Variants in STAT4 observed in about 807,000 individuals in gnomAD.
The protein encoded by STAT4 is signal transducer and activator of transcription 4.
STAT4 carries 42 observed loss-of-function variants against 110.5 expected under a neutral mutation model. That is an observed-to-expected ratio of 0.38 (90% CI 0.30 to 0.49). The LOEUF (loss-of-function observed/expected upper bound fraction) is 0.49. STAT4 is among the 20% of genes least tolerant of loss of function. The pLI, the probability that STAT4 is intolerant of heterozygous loss-of-function variation, is 0.95. For synonymous variants in STAT4, 284 were observed against 302.2 expected, an observed-to-expected ratio of 0.94 and a Z score of 0.63; for missense variants, 632 against 887.9, an observed-to-expected ratio of 0.71 and a Z score of 3.66.
chr2:191,087,972 A>T (rs1697680886), intron 3 of STAT4, among the ~76,000 whole-genome samples: 1 of 152,222 alleles, frequency 6.6e-6, no homozygotes, highest in Non-Finnish European at 1.5e-5. Context: ...CTGCTAAGAC[A>T]AAGAACAAGG....
At chr2:191,036,049 T>C (rs1696034286) in intron 17 of STAT4, 115 bp downstream of exon 17, 1 of 1,245,308 alleles carries the variant, frequency 8.0e-7, no homozygotes, top group Non-Finnish European at 1.1e-6. Context: ...ATAGTAGGCA[T>C]TGAATAAATT....
intron 3 of STAT4, among the ~76,000 whole-genome samples, chr2:191,106,938 T>C (rs958344761): frequency 3.3e-5 from 5 of 152,118 alleles, no homozygotes; most frequent in East Asian, 1.9e-4. Context: ...TACTGTAAAG[T>C]AAATTGAGCA....
At chr2:191,079,636 A>T (rs921984004) in intron 3 of STAT4, among the ~76,000 whole-genome samples, 3 of 152,244 alleles carry the variant, frequency 2.0e-5, no homozygotes, top group African/African-American at 7.2e-5. Flanking sequence ...GGATATTGAT[A>T]GAATTTTCCT....
intron 3 of STAT4, among the ~76,000 whole-genome samples, chr2:191,096,703 C>A (rs537250049): frequency 4.8e-4 from 73 of 152,264 alleles, no homozygotes; most frequent in African/African-American, 1.7e-3. Context: ...CCTTTGAAAA[C>A]CAGCACGAGA....
rs1697342386 is a variant in STAT4, at chr2:191,077,282, C to T, written c.274-957G>A. ...TACCCAGGGTTGACACAGTGCCTAC[C>T]AGTGAGTGTCCCAAGCACTCATTTA... On this transcript the variant is annotated intron_variant, in intron 3 of 23. Coordinates refer to ENST00000392320, the MANE Select transcript of STAT4 (RefSeq NM_003151.4). The surrounding 1 kb of genome is among the most constrained non-coding windows in gnomAD (Gnocchi z 4.1). 6.6e-6 allele frequency among the ~76,000 whole-genome samples: 1 copy of T among 152,174 alleles called. No homozygotes were observed.
intron 3 of STAT4, chr2:191,131,881 G>A (rs535309343): frequency 1.4e-6 from 2 of 1,451,750 alleles, no homozygotes; most frequent in East Asian, 2.8e-5. Context: ...GGGCAGCTGT[G>A]CTGTAGCCAA....
chr2:191,073,203 T>C lies in STAT4; in HGVS notation c.373-13A>G. On this transcript the variant is annotated splice_polypyrimidine_tract_variant and intron_variant, in intron 4 of 23. Coordinates refer to ENST00000392320, the MANE Select transcript of STAT4 (RefSeq NM_003151.4). ...TCTCTAGAGGCCCCTGGAAAAAGAA[T>C]GTCTTGAAATCTCTCTGGTTTTGAA... 2.5e-6 allele frequency: 4 copies of C among 1,610,636 alleles called. No homozygotes were observed. Among genetic ancestry groups the C allele is most frequent in the Non-Finnish European group, 3.4e-6 (4 of 1,177,032 alleles).
chr2:191,109,276 G>T (rs1010646362), intron 3 of STAT4, among the ~76,000 whole-genome samples: 12 of 151,642 alleles, frequency 7.9e-5, no homozygotes, highest in Non-Finnish European at 1.5e-4. Context: ...ATAATGACAG[G>T]TTTTTTGTTT....
chr2:191,135,451 T>C lies in STAT4; in HGVS notation c.273+11162A>G, dbSNP rs1380787512. Among the ~76,000 whole-genome samples, 1 of 152,118 alleles carries C rather than the reference T, an allele frequency of 6.6e-6. No homozygotes were observed. Among genetic ancestry groups the C allele is most frequent in the Non-Finnish European group, 1.5e-5 (1 of 68,022 alleles). Reference sequence around the variant, plus strand: ...GGACTGGATGACTTTACTGTCGAATTCTTTGTTGTTGTTGTTGTTATTGTT... The same window carrying C: ...GGACTGGATGACTTTACTGTCGAATCCTTTGTTGTTGTTGTTGTTATTGTT... On this transcript the variant is annotated intron_variant, in intron 3 of 23. Coordinates refer to ENST00000392320, the MANE Select transcript of STAT4 (RefSeq NM_003151.4). The surrounding 1 kb of genome is among the most constrained non-coding windows in gnomAD (Gnocchi z 4.8).
At chr2:191,078,712 T>C (rs1212096542) in intron 3 of STAT4, among the ~76,000 whole-genome samples, 2 of 152,150 alleles carry the variant, frequency 1.3e-5, no homozygotes, top group East Asian at 3.8e-4. Context: ...GAGAAACTGC[T>C]CATTTTCTGT....
At chr2:191,048,267 G>C (rs986158297) in intron 14 of STAT4, among the ~76,000 whole-genome samples, 18 of 152,136 alleles carry the variant, frequency 1.2e-4, no homozygotes, top group African/African-American at 4.3e-4. Flanking sequence ...GCAATTGTGA[G>C]GCACATTTAG....
chr2:191,139,494 T>C (rs1283693569), intron 3 of STAT4, among the ~76,000 whole-genome samples: 1 of 152,138 alleles, frequency 6.6e-6, no homozygotes, highest in Admixed American at 6.6e-5. Flanking sequence ...CAATCCCTTT[T>C]ACAATAGCTG....
In STAT4 at chr2:191,075,099, G is replaced by T. The variant is rs982189495; in HGVS notation, c.372+1128C>A. ...TGCTTGAACCTGGGAGGCAGAGGCT[G>T]CAGTGAGCCGAGATCACGCCACTGT... is the stretch of plus-strand genomic sequence containing the variant. On this transcript the variant is annotated intron_variant, in intron 4 of 23. Transcript: ENST00000392320. Among the ~76,000 whole-genome samples, 6 of 152,210 alleles carry T rather than the reference G, an allele frequency of 3.9e-5. No individual in the cohort carries two copies. The South Asian group carries it at 1.2e-3, about 32-fold the overall frequency.
At chr2:191,151,302 G>A, upstream of STAT4, 1 of 985,542 alleles carries the variant, frequency 1.0e-6, no homozygotes, top group Non-Finnish European at 1.2e-6. This position sits in a 1 kb window ranked among gnomAD's most constrained non-coding sequence, Gnocchi z 4.7. Flanking sequence ...GGTTTCCTTA[G>A]ACAATCTGAG....
intron 3 of STAT4, chr2:191,131,800 C>A: frequency 7.3e-7 from 1 of 1,361,804 alleles, no homozygotes; most frequent in Non-Finnish European, 9.5e-7. Context: ...TCTGAATGTC[C>A]CAGGTGAAGA....
At chr2:191,130,283 C>A (rs1458721735) in intron 3 of STAT4, among the ~76,000 whole-genome samples, 1 of 147,164 alleles carries the variant, frequency 6.8e-6, no homozygotes, top group East Asian at 2.0e-4. Context: ...AGTGCAGTGG[C>A]ACAATCTCAG....
chr2:191,087,448 T>G (rs142883431), intron 3 of STAT4, among the ~76,000 whole-genome samples: 1 of 152,214 alleles, frequency 6.6e-6, no homozygotes, highest in Admixed American at 6.5e-5. Flanking sequence ...AAAGCTCTTT[T>G]GTGGGAAAAA....
intron 8 of STAT4, among the ~76,000 whole-genome samples, 176 bp from the exon 9 acceptor site, chr2:191,063,096 C>A (rs2125232928): frequency 6.6e-6 from 1 of 152,094 alleles, no homozygotes; most frequent in South Asian, 2.1e-4. Flanking sequence ...TTTCCTAACC[C>A]ATTTTTTTCT....
chr2:191,069,833 A>G, intron 5 of STAT4, 62 bp from the exon 6 acceptor site: 1 of 1,348,288 alleles, frequency 7.4e-7, no homozygotes, highest in Non-Finnish European at 1.0e-6. Context: ...ATCAAACAAC[A>G]TCATAAGTAT....
Sources: allele counts gnomAD v4.1 joint callset (sites outside exome capture counted in the v4.1 genomes callset), GRCh38; gene constraint gnomAD v4.1.1; non-coding constraint Gnocchi (gnomAD v3.1); transcripts MANE v1.5; gene names NCBI Gene and HGNC (gene_info 2026-07-23, HGNC 2026-07-21).